The following ANAPC10 variants were observed in gnomAD, a reference collection of about 807,000 sequenced individuals.
ANAPC10 encodes the protein anaphase promoting complex subunit 10.
A neutral mutation model predicts 22.0 loss-of-function variants in ANAPC10; 12 were observed. The ratio of observed to expected loss-of-function variants is 0.55; its 90% confidence interval spans 0.35 to 0.88. ANAPC10 has a LOEUF of 0.88. Ranked by LOEUF, ANAPC10 falls within the 40% of genes least tolerant of loss-of-function variation. ANAPC10 has a pLI of 0.01. For missense variants in ANAPC10, 188 were observed against 220.9 expected, an observed-to-expected ratio of 0.85 and a Z score of 0.94; for synonymous variants, 65 against 69.5, an observed-to-expected ratio of 0.94 and a Z score of 0.32.
chr4:144,999,046 C>T (rs1732086411), intron 4 of ANAPC10, among the ~76,000 whole-genome samples: 2 of 152,236 alleles, frequency 1.3e-5, no homozygotes, highest in South Asian at 4.1e-4. Flanking sequence ...GACAAATACA[C>T]CCACCCAAGA....
chr4:145,069,642 T>TA (rs1250004039), intron 3 of ANAPC10, among the ~76,000 whole-genome samples: 1 of 152,196 alleles, frequency 6.6e-6, no homozygotes, highest in Non-Finnish European at 1.5e-5. Flanking sequence ...GAAATGATCT[T>TA]AAAGAGTGGT....
intron 4 of ANAPC10, among the ~76,000 whole-genome samples, chr4:145,036,173 G>A (rs1470954088): frequency 6.6e-6 from 1 of 152,072 alleles, no homozygotes; most frequent in Non-Finnish European, 1.5e-5. Flanking sequence ...ATGAAAACAT[G>A]CATAATGATT....
chr4:145,041,515 T>C (rs1487743770), intron 4 of ANAPC10, among the ~76,000 whole-genome samples: 2 of 152,226 alleles, frequency 1.3e-5, no homozygotes, highest in Non-Finnish European at 2.9e-5. Context: ...TGTGAAGAAT[T>C]AGGCTTCTTG....
At chr4:145,079,682 G>T (rs141853889) in intron 3 of ANAPC10, among the ~76,000 whole-genome samples, 22 of 152,242 alleles carry the variant, frequency 1.4e-4, no homozygotes, top group African/African-American at 2.2e-4. Flanking sequence ...ATACACCATG[G>T]AACACCACAC....
intron 4 of ANAPC10, among the ~76,000 whole-genome samples, chr4:145,044,383 T>C (rs1006673829): frequency 2.6e-5 from 4 of 152,062 alleles, no homozygotes; most frequent in Admixed American, 2.6e-4. Context: ...AAGGTTAAAA[T>C]CATTTCAAAA....
chr4:145,094,693 T>C (rs1748222564), intron 2 of ANAPC10, among the ~76,000 whole-genome samples: 1 of 151,744 alleles, frequency 6.6e-6, no homozygotes, highest in Non-Finnish European at 1.5e-5. Flanking sequence ...AAACTGCCTA[T>C]AAAATTATGG....
chr4:145,018,116 AT>A (rs1468563362), intron 4 of ANAPC10, among the ~76,000 whole-genome samples: 1 of 131,716 alleles, frequency 7.6e-6, no homozygotes, highest in Non-Finnish European at 1.8e-5. Context: ...TTAGAGTATA[AT>A]AAAAAAAATA....
intron 1 of ANAPC10, chr4:145,097,343 T>G: frequency 1.9e-6 from 1 of 523,720 alleles, no homozygotes; most frequent in Non-Finnish European, 3.1e-6. Flanking sequence ...ATCTTTCACA[T>G]CTTTTGTTAA....
At chr4:145,087,813 G>A (rs1327186043) in intron 2 of ANAPC10, among the ~76,000 whole-genome samples, 2 of 152,172 alleles carry the variant, frequency 1.3e-5, no homozygotes, top group Admixed American at 6.5e-5. Context: ...TTGGGAGGCT[G>A]AGGTGGGCGG....
At chr4:145,025,949 A>G (rs757156185) in intron 4 of ANAPC10, among the ~76,000 whole-genome samples, 4 of 152,200 alleles carry the variant, frequency 2.6e-5, no homozygotes, top group Non-Finnish European at 4.4e-5. Flanking sequence ...AGGTCTTACC[A>G]GTTAGACAGA....
At chr4:145,061,177 A>G (rs1742833014) in intron 4 of ANAPC10, among the ~76,000 whole-genome samples, 1 of 152,152 alleles carries the variant, frequency 6.6e-6, no homozygotes, top group Non-Finnish European at 1.5e-5. Flanking sequence ...GAAAAAATTA[A>G]GAGACTACCT....
intron 4 of ANAPC10, among the ~76,000 whole-genome samples, chr4:145,011,127 T>G (rs535490697): frequency 2.0e-5 from 3 of 151,834 alleles, no homozygotes; most frequent in South Asian, 2.1e-4. Flanking sequence ...AGGTCAGGAG[T>G]TCGAGACCAA....
Position 145,051,879 on chromosome 4 carries a change from T to C in ANAPC10, c.327+12693A>G, listed in dbSNP as rs371289852. On this transcript the variant is annotated intron_variant, in intron 4 of 4. Coordinates refer to ENST00000507656, the MANE Select transcript of ANAPC10 (RefSeq NM_001256706.2). ...AATTTAGTCTAAGGACACTATCTAT[T>C]AAATAATCGCAGAGTACCTTTTAGT... 4.6e-5 allele frequency among the ~76,000 whole-genome samples: 7 copies of C among 152,338 alleles called. 1 individual carries two copies. Among genetic ancestry groups the C allele is most frequent in the Non-Finnish European group, 1.5e-5 (1 of 68,022 alleles).
chr4:145,006,799 GT>G (rs1733441618), intron 4 of ANAPC10, among the ~76,000 whole-genome samples: 1 of 151,972 alleles, frequency 6.6e-6, no homozygotes, highest in Admixed American at 6.6e-5. Context: ...GAAATGTCCT[GT>G]TTTGTTGCCT....
intron 4 of ANAPC10, among the ~76,000 whole-genome samples, chr4:145,044,200 T>C (rs2127155808): frequency 1.3e-5 from 2 of 152,198 alleles, no homozygotes; most frequent in East Asian, 3.9e-4. Context: ...GACTGAAGAA[T>C]GGCAGCCACA....
chr4:145,004,006 C>T lies in ANAPC10; in HGVS notation c.328-8403G>A, dbSNP rs866858558. Among the ~76,000 whole-genome samples, 6 of 151,980 alleles carry T rather than the reference C, an allele frequency of 3.9e-5. 1 individual carries two copies. The highest frequency in any genetic ancestry group is 7.2e-5 in the African/African-American group (3 of 41,510). ...TTTTTCTCATGTGTTTGTATCATCT[C>T]TGATTTTATTTTATTTTTTTTGAGT... On this transcript the variant is annotated intron_variant, in intron 4 of 4. Transcript: ENST00000507656.
At chr4:145,072,020 A>C (rs536418861) in intron 3 of ANAPC10, among the ~76,000 whole-genome samples, 1 of 147,444 alleles carries the variant, frequency 6.8e-6, no homozygotes, top group East Asian at 1.9e-4. Flanking sequence ...CAAAAAAAAC[A>C]AAAAAAAACT....
At chr4:145,028,532 T>C (rs2127037932) in intron 4 of ANAPC10, among the ~76,000 whole-genome samples, 1 of 152,294 alleles carries the variant, frequency 6.6e-6, no homozygotes, top group South Asian at 2.1e-4. Context: ...ATACAGCTTT[T>C]GGTACCAGGA....
intron 3 of ANAPC10, among the ~76,000 whole-genome samples, chr4:145,081,346 G>T (rs1289900391): frequency 1.3e-5 from 2 of 151,908 alleles, no homozygotes; most frequent in Non-Finnish European, 2.9e-5. Flanking sequence ...TTAAGGTATT[G>T]TATTGGGCCA....
Sources: gnomAD v4.1 joint callset for allele counts (sites outside exome capture counted in the v4.1 genomes callset) on GRCh38, gnomAD v4.1.1 for gene constraint, MANE v1.5 for transcripts, NCBI Gene and HGNC (gene_info 2026-07-23, HGNC 2026-07-21) for gene names.